PPP1R21: variants seen among roughly 807,000 people sequenced by gnomAD.
PPP1R21 encodes KLRAQ motif containing 1.
In PPP1R21, 85 loss-of-function variants were observed where a neutral mutation model predicts 112.8. The observed-to-expected ratio is 0.75, with a 90% CI of 0.63 to 0.90. The LOEUF (loss-of-function observed/expected upper bound fraction) is 0.90. Among genes scored for constraint, PPP1R21 ranks in the 40% least tolerant of loss-of-function variants. PPP1R21 has a pLI of 0.00. For synonymous variants in PPP1R21, 381 were observed against 322.3 expected, an observed-to-expected ratio of 1.18 and a Z score of -1.95; for missense variants, 1,199 against 901.5, an observed-to-expected ratio of 1.33 and a Z score of -4.23.
chr2:48,514,687 C>G (rs746164653), intron 21 of PPP1R21, 28 bp from the exon 22 acceptor site: 2 of 1,477,676 alleles, frequency 1.4e-6, no homozygotes, highest in Non-Finnish European at 1.9e-6. Flanking sequence ...TGTTTATGTT[C>G]TTATTGTTGA....
chr2:48,482,201 A>G (rs1348519313), intron 13 of PPP1R21, among the ~76,000 whole-genome samples: 2 of 152,236 alleles, frequency 1.3e-5, no homozygotes, highest in African/African-American at 4.8e-5. Context: ...GAGTGACTCA[A>G]TTATTTAACA....
chr2:48,462,819 T>C (rs1426116241), intron 7 of PPP1R21, among the ~76,000 whole-genome samples: 1 of 151,688 alleles, frequency 6.6e-6, no homozygotes, highest in Non-Finnish European at 1.5e-5. Flanking sequence ...TACCTAGGAG[T>C]GGGACAAGGG....
chr2:48,482,347 A>G (rs1032637968), intron 13 of PPP1R21, among the ~76,000 whole-genome samples: 8 of 152,234 alleles, frequency 5.3e-5, no homozygotes, highest in African/African-American at 1.9e-4. Flanking sequence ...TCTTATAGAC[A>G]GAAGAATGGT....
chr2:48,468,072 G>C (rs1464369085), intron 9 of PPP1R21, among the ~76,000 whole-genome samples: 4 of 152,160 alleles, frequency 2.6e-5, no homozygotes, highest in Non-Finnish European at 5.9e-5. Context: ...TAGACTTCCT[G>C]GGTTCCCAGT....
chr2:48,490,918 A>C, intron 14 of PPP1R21, 100 bp from the exon 15 acceptor site: 2 of 1,016,140 alleles, frequency 2.0e-6, no homozygotes, highest in South Asian at 1.5e-5. Flanking sequence ...TTCCATTTCC[A>C]TTCTCAACAT....
chr2:48,441,369 A>C (rs1176811249), intron 1 of PPP1R21: 3 of 345,840 alleles, frequency 8.7e-6, no homozygotes, highest in Non-Finnish European at 1.7e-5. Context: ...CTGCTTCCTC[A>C]ATTTTCTCAG....
intron 9 of PPP1R21, among the ~76,000 whole-genome samples, chr2:48,469,509 C>A (rs1403074145): frequency 6.7e-5 from 4 of 59,306 alleles, no homozygotes; most frequent in Admixed American, 3.9e-4. Context: ...ATATATAGAG[C>A]ATATATATAT....
intron 7 of PPP1R21, among the ~76,000 whole-genome samples, chr2:48,463,279 C>T (rs868755484): frequency 1.3e-5 from 2 of 152,002 alleles, no homozygotes; most frequent in Admixed American, 6.6e-5. Context: ...GCTGTGGAAA[C>T]GGGGTGAGGT....
chr2:48,512,656 A>G (rs891011751), intron 21 of PPP1R21, among the ~76,000 whole-genome samples: 4 of 152,218 alleles, frequency 2.6e-5, no homozygotes, highest in Non-Finnish European at 4.4e-5. Flanking sequence ...GATTTTGTTT[A>G]TCAACATAGT....
At position 48,460,296 on chromosome 2, in the gene PPP1R21, G is replaced by A. The variant is rs1176638652; in HGVS notation, c.599+143G>A. On this transcript the variant is annotated intron_variant, in intron 6 of 21. Coordinates refer to ENST00000294952, the MANE Select transcript of PPP1R21 (RefSeq NM_001135629.3). ...AATCTACAGGGTCCTTTTCAATTCT[G>A]GGATCTCCGGGGCCCTAAGCATTCT... 6.7e-6 allele frequency: 5 copies of A among 750,028 alleles called. No individual in the cohort carries two copies. The East Asian group carries it at 1.4e-4, about 20-fold the overall frequency. 46.5% of individuals were successfully genotyped at this position (750,028 alleles called of 1,614,324 possible).
intron 15 of PPP1R21, among the ~76,000 whole-genome samples, chr2:48,495,370 A>ATTG: frequency 6.6e-6 from 1 of 151,886 alleles, no homozygotes. Context: ...TACCCGGCTA[A>ATTG]TTTTTGTATT....
chr2:48,497,170 C>T (rs1159009890), intron 16 of PPP1R21, among the ~76,000 whole-genome samples: 1 of 152,144 alleles, frequency 6.6e-6, no homozygotes, highest in Non-Finnish European at 1.5e-5. Context: ...TGTGGGATCT[C>T]ACACTATCTC....
chr2:48,501,101 T>G (rs930863605), intron 17 of PPP1R21, among the ~76,000 whole-genome samples: 1 of 152,172 alleles, frequency 6.6e-6, no homozygotes, highest in Non-Finnish European at 1.5e-5. Context: ...AAGATGACTG[T>G]TTTTACCTCC....
At chr2:48,457,400 CA>C (rs1289842383) in intron 3 of PPP1R21, among the ~76,000 whole-genome samples, 1 of 151,878 alleles carries the variant, frequency 6.6e-6, no homozygotes, top group African/African-American at 2.4e-5. Context: ...AGTGAGACTA[CA>C]AAAAAAGCAG....
At chr2:48,508,316 GTTAAA>G (rs1334864535) in intron 19 of PPP1R21, among the ~76,000 whole-genome samples, 1 of 152,174 alleles carries the variant, frequency 6.6e-6, no homozygotes, top group Non-Finnish European at 1.5e-5. Flanking sequence ...GCTTAACGTT[GTTAAA>G]TTGAAAAAGG....
rs770845769 is a variant in PPP1R21 at position 48,479,984 on chromosome 2, C to G, written c.1286C>G (p.Ala429Gly). 14 of 1,612,798 alleles carry G rather than the reference C, an allele frequency of 8.7e-6. No individual in the cohort carries two copies. The East Asian group carries it at 3.1e-4, about 36-fold the overall frequency. The stretch of plus-strand genomic sequence containing the variant: ...AGTTCTGTGTTAACAAATGTTGGTG[C>G]TGCTCTGCATGGATTTCATGACGTT... ...NYSSVLTNVG[A>G]ALHGFHDVMK... Residue 429 changes from alanine to glycine, a missense_variant, in exon 13 of 22, where the codon GCT becomes GGT. Physicochemically the swap from Ala to Gly is moderately conservative, Grantham distance 60. Transcript: ENST00000294952.
At chr2:48,491,295 G>T in intron 15 of PPP1R21, 125 bp downstream of exon 15, 1 of 1,076,418 alleles carries the variant, frequency 9.3e-7, no homozygotes, top group Non-Finnish European at 1.3e-6. Flanking sequence ...CAGGTTGTTG[G>T]TGGGTGTTGG....
chr2:48,491,286 A>G (rs1196521036), intron 15 of PPP1R21, 116 bp downstream of exon 15: 5 of 1,162,004 alleles, frequency 4.3e-6, no homozygotes, highest in Non-Finnish European at 5.9e-6. Flanking sequence ...ATTGGGGTAC[A>G]GGTTGTTGGT....
In PPP1R21 at chr2:48,505,685, ATTG is replaced by A. The variant is rs375803272; in HGVS notation, c.1968+101_1968+103del. 6,223 of 1,137,844 alleles carry A rather than the reference ATTG, an allele frequency of 5.5e-3. 42 individuals carry two copies. The highest frequency in any genetic ancestry group is 5.4e-3 in the Non-Finnish European group (4,173 of 769,956). The allele number at this position is 1,137,844 out of a possible 1,614,324, so 70.5% of individuals were successfully genotyped here. On this transcript the variant is annotated intron_variant, in intron 18 of 21. Coordinates refer to ENST00000294952, the MANE Select transcript of PPP1R21 (RefSeq NM_001135629.3). ...GTCCTGCAAAAGCCATCTTTGTCTA[ATTG>A]TTGTTGTTGTTTTTTCCTGACACTT...
Sources: gnomAD v4.1 joint callset for allele counts (sites outside exome capture counted in the v4.1 genomes callset) on GRCh38, gnomAD v4.1.1 for gene constraint, MANE v1.5 for transcripts, NCBI Gene and HGNC (gene_info 2026-07-23, HGNC 2026-07-21) for gene names.